RAB5C: variants seen among roughly 807,000 people sequenced by gnomAD.
The protein encoded by RAB5C is ras-related protein Rab-5C.
Under a neutral mutation model 25.2 loss-of-function variants are expected in RAB5C, and 4 were observed. That is an observed-to-expected ratio of 0.16 (90% CI 0.08 to 0.36). RAB5C has a LOEUF of 0.36. RAB5C is among the 10% of genes least tolerant of loss of function. The pLI, the probability that RAB5C is intolerant of heterozygous loss-of-function variation, is 1.00. For missense variants in RAB5C, 199 were observed against 283.8 expected, an observed-to-expected ratio of 0.70 and a Z score of 2.15; for synonymous variants, 100 against 106.4, an observed-to-expected ratio of 0.94 and a Z score of 0.37.
chr17:42,151,435 TC>T (rs1434200090), intron 1 of RAB5C, among the ~76,000 whole-genome samples: 1 of 148,436 alleles, frequency 6.7e-6, no homozygotes, highest in Non-Finnish European at 1.5e-5. Flanking sequence ...AGACTCCGAC[TC>T]AAAAAAAAAA....
chr17:42,134,978 A>T (rs1369415822), intron 1 of RAB5C, among the ~76,000 whole-genome samples: 1 of 137,964 alleles, frequency 7.2e-6, no homozygotes, highest in African/African-American at 3.1e-5. Flanking sequence ...TTTTTTTCTT[A>T]AGTTTTTTTT....
At chr17:42,136,955 T>C (rs1025464865) in intron 1 of RAB5C, among the ~76,000 whole-genome samples, 2 of 152,224 alleles carry the variant, frequency 1.3e-5, no homozygotes, top group Non-Finnish European at 2.9e-5. Flanking sequence ...CTTCTATGCA[T>C]GTTTTTAAAA....
At chr17:42,147,821 G>C (rs1057350415) in intron 1 of RAB5C, among the ~76,000 whole-genome samples, 3 of 152,200 alleles carry the variant, frequency 2.0e-5, no homozygotes, top group Admixed American at 6.5e-5. Flanking sequence ...CGAGGGCCAG[G>C]CATGGTGGCT....
At chr17:42,147,568 T>C (rs1310055498) in intron 1 of RAB5C, among the ~76,000 whole-genome samples, 2 of 152,118 alleles carry the variant, frequency 1.3e-5, no homozygotes, top group African/African-American at 4.8e-5. Context: ...TCACCAGAAA[T>C]GGAGATTTGG....
At chr17:42,145,573 C>T (rs551583533) in intron 1 of RAB5C, among the ~76,000 whole-genome samples, 1 of 152,316 alleles carries the variant, frequency 6.6e-6, no homozygotes, top group South Asian at 2.1e-4. Flanking sequence ...GTGAGCAGAT[C>T]GCTTGAGCTC....
chr17:42,128,236 T>C, intron 4 of RAB5C, 25 bp downstream of exon 4: 3 of 1,607,746 alleles, frequency 1.9e-6, no homozygotes, highest in Non-Finnish European at 2.5e-6. Context: ...CTCCACTCCT[T>C]CCCCCAAGTC....
chr17:42,151,871 G>A (rs73311684), intron 1 of RAB5C, among the ~76,000 whole-genome samples: 2,579 of 152,238 alleles, frequency 0.017, 38 homozygotes, highest in African/African-American at 0.048. Flanking sequence ...CAAAAAAACA[G>A]AGGAGCGCTA....
At chr17:42,149,500 T>C (rs2079656597) in intron 1 of RAB5C, among the ~76,000 whole-genome samples, 1 of 152,084 alleles carries the variant, frequency 6.6e-6, no homozygotes, top group African/African-American at 2.4e-5. Context: ...GAGGATCACT[T>C]GGGTCCACAA....
In RAB5C at chr17:42,150,516, C is replaced by T. The variant is rs1330322523; in HGVS notation, c.-89+4377G>A. Among the ~76,000 whole-genome samples the T allele has an allele frequency of 5.4e-5, 7 of 129,390 alleles. No individual in the cohort carries two copies. The East Asian group carries it at 1.3e-3, about 25-fold the overall frequency. 84.9% of individuals were successfully genotyped at this position (129,390 alleles called of 152,430 possible). The stretch of plus-strand genomic sequence containing the variant: ...CCAAGATCACGCCATTGCACTCCAG[C>T]CTGGGAGACAAGAGTGAAACTCCAT... On this transcript the variant is annotated intron_variant, in intron 1 of 5. Coordinates refer to ENST00000346213, the MANE Select transcript of RAB5C (RefSeq NM_004583.4).
chr17:42,152,204 T>C (rs1277379472), intron 1 of RAB5C, among the ~76,000 whole-genome samples: 3 of 152,020 alleles, frequency 2.0e-5, no homozygotes, highest in South Asian at 2.1e-4. Flanking sequence ...CTATGAGGAA[T>C]ATGTATGAAA....
In RAB5C at chr17:42,130,507, C is replaced by T. The variant is rs376067518; in HGVS notation, c.-5G>A. On this transcript the variant is annotated 5_prime_UTR_variant, in exon 2 of 6. Coordinates refer to ENST00000346213, the MANE Select transcript of RAB5C (RefSeq NM_004583.4). ...TGCGCCTCCCCGACCCGCCATTGCC[C>T]GTCCAGCTGTAGTGGTCCAGAGAGC... is the stretch of plus-strand genomic sequence containing the variant. 4.8e-5 allele frequency: 77 copies of T among 1,613,960 alleles called. 1 individual carries two copies. Among genetic ancestry groups the T allele is most frequent in the South Asian group, 3.3e-4 (30 of 91,074 alleles).
intron 1 of RAB5C, among the ~76,000 whole-genome samples, chr17:42,132,689 TTTC>T (rs2054498045): frequency 6.6e-6 from 1 of 151,016 alleles, no homozygotes; most frequent in African/African-American, 2.4e-5. Context: ...TAAAATTTTC[TTTC>T]TTTCTTTCTT....
intron 1 of RAB5C, among the ~76,000 whole-genome samples, chr17:42,136,838 T>G (rs2054541182): frequency 2.0e-5 from 3 of 152,100 alleles, no homozygotes; most frequent in Admixed American, 2.0e-4. Flanking sequence ...TGCCCAAGAC[T>G]CATAACTCAA....
intron 1 of RAB5C, among the ~76,000 whole-genome samples, chr17:42,145,739 G>C (rs1472370763): frequency 2.6e-5 from 4 of 152,224 alleles, no homozygotes; most frequent in Admixed American, 6.5e-5. Flanking sequence ...CTGGCTGACA[G>C]AGCAAGACTC....
rs1196704168 is a variant in RAB5C at position 42,125,033 on chromosome 17, G to A, written c.*750C>T. On this transcript the variant is annotated 3_prime_UTR_variant, in exon 6 of 6. Coordinates refer to ENST00000346213, the MANE Select transcript of RAB5C (RefSeq NM_004583.4). ...ACAAGATACTGATTGGTTACATGTT[G>A]AAGAAAACATACAATACAAAATACA... 1 of 152,718 alleles carries A rather than the reference G, an allele frequency of 6.5e-6. No individual in the cohort carries two copies. Among genetic ancestry groups the A allele is most frequent in the African/African-American group, 2.4e-5 (1 of 41,426 alleles). 9.5% of individuals were successfully genotyped at this position (152,718 alleles called of 1,614,324 possible).
chr17:42,132,452 C>A (rs1375206587), intron 1 of RAB5C, among the ~76,000 whole-genome samples: 1 of 152,244 alleles, frequency 6.6e-6, no homozygotes, highest in Non-Finnish European at 1.5e-5. Flanking sequence ...AATGAAGAGA[C>A]AAGGTCTGTG....
At chr17:42,139,713 A>T (rs751155935) in intron 1 of RAB5C, among the ~76,000 whole-genome samples, 6 of 152,146 alleles carry the variant, frequency 3.9e-5, no homozygotes, top group Non-Finnish European at 7.4e-5. Flanking sequence ...AGGCTGTGCC[A>T]GATTCTCTAC....
At chr17:42,128,536 C>A in intron 3 of RAB5C, 113 bp downstream of exon 3, 3 of 418,876 alleles carry the variant, frequency 7.2e-6, no homozygotes, top group Non-Finnish European at 8.5e-6. Context: ...AATCTGCCCA[C>A]CCCCCACCCA....
intron 1 of RAB5C, among the ~76,000 whole-genome samples, chr17:42,144,598 G>C (rs568116449): frequency 9.7e-4 from 148 of 152,174 alleles, no homozygotes; most frequent in African/African-American, 3.5e-3. Flanking sequence ...TGGATCACGA[G>C]GTCAGGAACT....
Sources: gnomAD v4.1 joint callset for allele counts (sites outside exome capture counted in the v4.1 genomes callset) on GRCh38, gnomAD v4.1.1 for gene constraint, MANE v1.5 for transcripts, NCBI Gene and HGNC (gene_info 2026-07-23, HGNC 2026-07-21) for gene names.